The following UBAP2 variants were observed in gnomAD, a reference collection of about 807,000 sequenced individuals.
The protein encoded by UBAP2 is ubiquitin associated protein 2.
Under a neutral mutation model 139.6 loss-of-function variants are expected in UBAP2, and 75 were observed. That is an observed-to-expected ratio of 0.54 (90% confidence interval 0.45 to 0.65). The LOEUF (loss-of-function observed/expected upper bound fraction) is 0.65, where lower values mean the gene tolerates loss of function less well. Ranked by LOEUF, UBAP2 falls within the 30% of genes least tolerant of loss-of-function variation. UBAP2 has a pLI of 0.00. For synonymous variants in UBAP2, 526 were observed against 526.2 expected (o/e 1.00, Z 0.01); for missense variants, 1,368 against 1,369.6 (o/e 1.00, Z 0.02).
chr9:33,933,993 G>C (rs1402679219), intron 17 of UBAP2: 1 of 187,910 alleles, frequency 5.3e-6, no homozygotes, highest in East Asian at 1.2e-4. Context: ...TATAACGTGA[G>C]GCAAACTCCT....
Position 33,932,618 on chromosome 9 carries a change from T to C in UBAP2, c.2119A>G (p.Ser707Gly), listed in dbSNP as rs1247298485. 8 of 1,613,908 alleles carry C rather than the reference T, an allele frequency of 5.0e-6. No individual in the cohort carries two copies. The highest frequency in any genetic ancestry group is 6.8e-6 in the Non-Finnish European group (8 of 1,180,026). Reference protein sequence around the residue: ...PLSQLSSSLSSHQSSLSAHAA... With the variant: ...PLSQLSSSLSGHQSSLSAHAA... ...TGTGCAGAGAGGCTGCTCTGGTGGC[T>C]GGAGAGCGAACTAGAAGACAAAACA... The change falls in exon 19 of 29, where the codon AGC becomes GGC. Residue 707 changes from serine to glycine, a missense_variant. By Grantham distance (56) the Ser-to-Gly change is moderately conservative. Coordinates refer to ENST00000379238, the MANE Select transcript of UBAP2 (RefSeq NM_001370062.2).
intron 7 of UBAP2, 74 bp downstream of exon 7, chr9:33,973,109 A>G: frequency 1.6e-6 from 2 of 1,283,794 alleles, no homozygotes; most frequent in Non-Finnish European, 2.2e-6. Flanking sequence ...AATTAGATGT[A>G]GGGTATTAGA....
chr9:33,929,779 A>C (rs1823801602), intron 19 of UBAP2, among the ~76,000 whole-genome samples: 1 of 152,214 alleles, frequency 6.6e-6, no homozygotes, highest in African/African-American at 2.4e-5. Flanking sequence ...AGGCAGGTGG[A>C]TCACCTGAGA....
Position 33,989,040 on chromosome 9 carries a change from C to G in UBAP2, c.375G>C (p.Glu125Asp), listed in dbSNP as rs1821456752. 2 of 1,613,988 alleles carry G rather than the reference C, an allele frequency of 1.2e-6. No individual in the cohort carries two copies. Among genetic ancestry groups the G allele is most frequent in the East Asian group, 2.2e-5 (1 of 44,868 alleles). ...TTCCACGTCCACGACTCGATTCTTT[C>G]TCGCTTTTCTTCTCTCTATTCTCTT... is the stretch of plus-strand genomic sequence containing the variant. ...ENKENREKKS[E>D]KESSRGRGNN... Residue 125 changes from glutamate (E) to aspartate (D), a missense_variant, in exon 5 of 29, where the codon GAG becomes GAC. By Grantham distance (45) the Glu-to-Asp change is conservative. Coordinates refer to ENST00000379238, the MANE Select transcript of UBAP2 (RefSeq NM_001370062.2).
intron 13 of UBAP2, 133 bp downstream of exon 13, chr9:33,948,241 G>A (rs1476448344): frequency 1.5e-5 from 11 of 714,590 alleles, no homozygotes; most frequent in Non-Finnish European, 2.1e-5. Context: ...TGATTTAACT[G>A]AGAAACTGCA....
chr9:33,950,727 CT>C (rs1159689426), intron 12 of UBAP2, among the ~76,000 whole-genome samples: 58 of 152,334 alleles, frequency 3.8e-4, no homozygotes, highest in African/African-American at 1.4e-3. Context: ...TACATAATCC[CT>C]AACATGCATC....
chr9:33,931,543 A>G (rs1823980792), intron 19 of UBAP2, among the ~76,000 whole-genome samples: 1 of 152,212 alleles, frequency 6.6e-6, no homozygotes, highest in South Asian at 2.1e-4. Flanking sequence ...CCCATGAGCC[A>G]CAGAGGGCAG....
chr9:33,996,853 C>T (rs557106518), intron 3 of UBAP2: 1 of 153,136 alleles, frequency 6.5e-6, no homozygotes, highest in South Asian at 2.0e-4. Context: ...GAGGCAGAGA[C>T]GAGAGGATTG....
chr9:33,942,014 C>T (rs1354258595), intron 15 of UBAP2, 152 bp from the exon 16 acceptor site: 1 of 626,948 alleles, frequency 1.6e-6, no homozygotes, highest in Admixed American at 2.9e-5. Flanking sequence ...GATAGGGGGA[C>T]ATCTTTAAGA....
intron 1 of UBAP2, among the ~76,000 whole-genome samples, chr9:34,038,362 C>T (rs1028474839): frequency 1.4e-4 from 21 of 152,198 alleles, no homozygotes; most frequent in South Asian, 1.0e-3. Flanking sequence ...GCCGCCATCT[C>T]GGCTCACTGC....
At chr9:34,002,415 G>A (rs2131207881) in intron 2 of UBAP2, among the ~76,000 whole-genome samples, 1 of 133,278 alleles carries the variant, frequency 7.5e-6, no homozygotes, top group East Asian at 2.2e-4. Flanking sequence ...GTCTCGCTCT[G>A]TCGCCCAGGC....
intron 8 of UBAP2, among the ~76,000 whole-genome samples, chr9:33,964,092 G>C (rs1404272095): frequency 6.6e-6 from 1 of 152,124 alleles, no homozygotes; most frequent in Non-Finnish European, 1.5e-5. Context: ...CCAGTTTTTA[G>C]AAAATTTATA....
chr9:33,949,611 G>A (rs1825928800), intron 12 of UBAP2, among the ~76,000 whole-genome samples: 1 of 152,180 alleles, frequency 6.6e-6, no homozygotes, highest in Admixed American at 6.5e-5. Context: ...GCTGAGACAG[G>A]AGAATCGCTT....
chr9:33,927,542 C>T (rs1332361924), intron 20 of UBAP2, among the ~76,000 whole-genome samples: 1 of 152,170 alleles, frequency 6.6e-6, no homozygotes, highest in Non-Finnish European at 1.5e-5. Flanking sequence ...CCCTCCAAGT[C>T]ACAATGTCAA....
intron 11 of UBAP2, among the ~76,000 whole-genome samples, chr9:33,954,000 A>G (rs995096656): frequency 6.6e-6 from 1 of 151,568 alleles, no homozygotes; most frequent in Non-Finnish European, 1.5e-5. Flanking sequence ...TCTGCCTCCC[A>G]GGCTTAAGCG....
chr9:33,981,456 A>C (rs1043765865), intron 6 of UBAP2, among the ~76,000 whole-genome samples: 3 of 150,934 alleles, frequency 2.0e-5, no homozygotes, highest in African/African-American at 7.3e-5. Flanking sequence ...CCCAGACTCA[A>C]GCCATCCTAC....
rs1017186343 is a variant in UBAP2, at chr9:33,927,862, C to G, written c.2306G>C (p.Cys769Ser). ...TGCACTCGCGGGGGTCCCACCCAGA[C>G]AGAGGCTGTTCGCGGTGTTCATGCT... ...SSSMNTANSLCLGGTPASASS... is the reference protein window; with the variant it reads ...SSSMNTANSLSLGGTPASASS... Residue 769 changes from cysteine (C) to serine (S), a missense_variant, in exon 20 of 29, where the codon TGT (cysteine) becomes TCT (serine). Cys to Ser is a moderately radical substitution (Grantham distance 112). Transcript: ENST00000379238. 3 of 1,614,126 alleles carry G rather than the reference C, an allele frequency of 1.9e-6. No individual in the cohort carries two copies. In the African/African-American group the frequency reaches 4.0e-5, roughly 22 times the overall value.
intron 1 of UBAP2, among the ~76,000 whole-genome samples, chr9:34,037,878 T>C (rs1826579263): frequency 6.6e-6 from 1 of 151,308 alleles, no homozygotes; most frequent in African/African-American, 2.4e-5. Flanking sequence ...AAAAATACAT[T>C]TTGTGGGCCT....
chr9:33,931,843 C>A (rs1381143427), intron 19 of UBAP2, among the ~76,000 whole-genome samples: 1 of 152,176 alleles, frequency 6.6e-6, no homozygotes, highest in Non-Finnish European at 1.5e-5. Context: ...CCTACTCCAA[C>A]CTCGCCCAAC....
Sources: allele counts gnomAD v4.1 joint callset (sites outside exome capture counted in the v4.1 genomes callset), GRCh38; gene constraint gnomAD v4.1.1; transcripts MANE v1.5; gene names NCBI Gene and HGNC (gene_info 2026-07-23, HGNC 2026-07-21).